SUFU: variants seen among roughly 807,000 people sequenced by gnomAD.
The protein encoded by SUFU is suppressor of fused homolog.
Under a neutral mutation model 58.9 loss-of-function variants are expected in SUFU, and 7 were observed. That is an observed-to-expected ratio of 0.12 (90% CI 0.07 to 0.22). SUFU has a LOEUF of 0.22. SUFU is among the 10% of genes least tolerant of loss of function. The pLI is 1.00. For missense variants in SUFU, 451 were observed against 641.3 expected (o/e 0.70, Z 3.20); for synonymous variants, 232 against 254.8 (o/e 0.91, Z 0.85).
chr10:102,524,394 C>T (rs1303000852), intron 2 of SUFU, among the ~76,000 whole-genome samples: 1 of 146,052 alleles, frequency 6.8e-6, no homozygotes, highest in African/African-American at 2.5e-5. Flanking sequence ...GGTGCAATCT[C>T]GGCTCACTGT....
At chr10:102,560,830 C>T (rs1177221674) in intron 3 of SUFU, among the ~76,000 whole-genome samples, 1 of 151,954 alleles carries the variant, frequency 6.6e-6, no homozygotes, top group Admixed American at 6.6e-5. Context: ...GTATTCTTAC[C>T]GAAGTATTTC....
intron 8 of SUFU, among the ~76,000 whole-genome samples, 155 bp downstream of exon 8, chr10:102,599,699 C>A (rs1358925445): frequency 6.6e-6 from 1 of 152,220 alleles, no homozygotes; most frequent in African/African-American, 2.4e-5. Flanking sequence ...CTGGGGCACA[C>A]AGATCTATCT....
Position 102,524,902 on chromosome 10 carries a change from T to C in SUFU, c.317+15599T>C, listed in dbSNP as rs528332346. ...GTTTTTCCGACTGTTGGAAAAATATTCTCACCACTGGAGACGGAGAATTCT... is the reference window on the plus strand; with the variant it reads ...GTTTTTCCGACTGTTGGAAAAATATCCTCACCACTGGAGACGGAGAATTCT... On this transcript the variant is annotated intron_variant, in intron 2 of 11. Transcript: ENST00000369902. Among the ~76,000 whole-genome samples, 11 of 152,306 alleles carry C rather than the reference T, an allele frequency of 7.2e-5. No individual in the cohort carries two copies. In the South Asian group the frequency reaches 2.3e-3, roughly 32 times the overall value.
At chr10:102,627,446 T>G (rs2063796098) in intron 11 of SUFU, among the ~76,000 whole-genome samples, 1 of 152,218 alleles carries the variant, frequency 6.6e-6, no homozygotes, top group Non-Finnish European at 1.5e-5. Context: ...CTCTTCTGTT[T>G]CTATGCACCC....
chr10:102,523,226 G>C (rs73336687), intron 2 of SUFU, among the ~76,000 whole-genome samples: 7,905 of 152,190 alleles, frequency 0.052, 682 homozygotes, highest in African/African-American at 0.18. Flanking sequence ...CAGTCTCTTG[G>C]AGTCCCTGGT....
At chr10:102,602,854 T>G (rs74681712) in intron 8 of SUFU, among the ~76,000 whole-genome samples, 1 of 152,304 alleles carries the variant, frequency 6.6e-6, no homozygotes, top group African/African-American at 2.4e-5. Flanking sequence ...AGCCATGAAA[T>G]CTGTATCTGG....
Position 102,617,204 on chromosome 10 carries a change from A to G in SUFU, c.1158-86A>G, listed in dbSNP as rs1460092248. 2 of 1,592,572 alleles carry G rather than the reference A, an allele frequency of 1.3e-6. No individual in the cohort carries two copies. Among genetic ancestry groups the G allele is most frequent in the Non-Finnish European group, 1.7e-6 (2 of 1,162,866 alleles). On this transcript the variant is annotated intron_variant, in intron 9 of 11. Transcript: ENST00000369902. This position sits in a 1 kb window ranked among gnomAD's most constrained non-coding sequence, Gnocchi z 4.4. ...ACCTGGCCCGCGGACCATAGTCCCCACTGTCCCAGAGCCTTGGCCAGGCCT... is the reference window on the plus strand; with the variant it reads ...ACCTGGCCCGCGGACCATAGTCCCCGCTGTCCCAGAGCCTTGGCCAGGCCT...
chr10:102,514,368 G>C (rs2062439349), intron 2 of SUFU, among the ~76,000 whole-genome samples: 1 of 152,204 alleles, frequency 6.6e-6, no homozygotes. Context: ...AAGGGATGAA[G>C]AGTATGATGA....
chr10:102,570,914 A>G (rs1482473076), intron 3 of SUFU, among the ~76,000 whole-genome samples: 1 of 152,198 alleles, frequency 6.6e-6, no homozygotes, highest in Admixed American at 6.5e-5. Context: ...TCAAATGAAT[A>G]GCAACTGTTT....
At chr10:102,560,158 T>A (rs1340691307) in intron 3 of SUFU, among the ~76,000 whole-genome samples, 1 of 152,224 alleles carries the variant, frequency 6.6e-6, no homozygotes, top group African/African-American at 2.4e-5. Context: ...AATTGAAACT[T>A]AGAAATTTAA....
chr10:102,594,264 C>T (rs2063437530), intron 6 of SUFU, among the ~76,000 whole-genome samples, 199 bp downstream of exon 6: 1 of 152,212 alleles, frequency 6.6e-6, no homozygotes, highest in South Asian at 2.1e-4. Context: ...AGTCCTCAGA[C>T]ATATGTATTT....
At chr10:102,620,152 C>A (rs527956448) in intron 10 of SUFU, among the ~76,000 whole-genome samples, 20 of 152,330 alleles carry the variant, frequency 1.3e-4, no homozygotes, top group African/African-American at 4.8e-4. Context: ...TTGGTCCCAG[C>A]TGAAATGGAG....
chr10:102,597,035 C>A, intron 6 of SUFU, 105 bp from the exon 7 acceptor site: 1 of 1,385,882 alleles, frequency 7.2e-7, no homozygotes, highest in Non-Finnish European at 1.0e-6. Flanking sequence ...ATGCTCAGCA[C>A]CACAAGGGCT....
At chr10:102,579,869 G>A in intron 3 of SUFU, 1 of 985,302 alleles carries the variant, frequency 1.0e-6, no homozygotes, top group Non-Finnish European at 1.2e-6. Flanking sequence ...GTGGGTGAGG[G>A]TAGGGGTTAA....
chr10:102,597,214 C>A lies in SUFU; in HGVS notation c.831C>A (p.Asp277Glu). The part of the protein sequence containing the change: ...SGVSAKCAWD[D>E]LSRPPEDDED... ...TCAGTGCCAAGTGTGCCTGGGATGA[C>A]CTGAGCCGGCCCCCCGAGGATGACG... The change falls in exon 7 of 12, where the codon GAC (aspartate) becomes GAA (glutamate). Residue 277 changes from aspartate (D) to glutamate (E), a missense_variant. Transcript: ENST00000369902. 1.2e-6 allele frequency: 2 copies of A among 1,613,956 alleles called. No homozygotes were observed. The highest frequency in any genetic ancestry group is 1.7e-6 in the Non-Finnish European group (2 of 1,179,998).
At chr10:102,563,677 C>G (rs1404698647) in intron 3 of SUFU, among the ~76,000 whole-genome samples, 2 of 151,210 alleles carry the variant, frequency 1.3e-5, no homozygotes. Context: ...GCCTAGGCAA[C>G]AGAGCAAGAC....
At chr10:102,554,552 T>C (rs1349455758) in intron 3 of SUFU, among the ~76,000 whole-genome samples, 1 of 152,244 alleles carries the variant, frequency 6.6e-6, no homozygotes, top group African/African-American at 2.4e-5. Flanking sequence ...GTCAATACTC[T>C]TACCGTCTCC....
At chr10:102,550,624 T>C (rs1421315006) in intron 3 of SUFU, among the ~76,000 whole-genome samples, 1 of 152,188 alleles carries the variant, frequency 6.6e-6, no homozygotes, top group Non-Finnish European at 1.5e-5. Context: ...AAATACATAT[T>C]CCTAGGCCCC....
chr10:102,622,217 C>A (rs2063745444), intron 10 of SUFU, among the ~76,000 whole-genome samples: 1 of 152,242 alleles, frequency 6.6e-6, no homozygotes, highest in Non-Finnish European at 1.5e-5. Flanking sequence ...CAACTCACCC[C>A]TGTTGGTTAA....
Sources: allele counts gnomAD v4.1 joint callset (sites outside exome capture counted in the v4.1 genomes callset), GRCh38; gene constraint gnomAD v4.1.1; non-coding constraint Gnocchi (gnomAD v3.1); transcripts MANE v1.5; gene names NCBI Gene and HGNC (gene_info 2026-07-23, HGNC 2026-07-21).